HHAT: variants seen among roughly 807,000 people sequenced by gnomAD.
The protein encoded by HHAT is protein-cysteine N-palmitoyltransferase HHAT.
A neutral mutation model predicts 70.8 loss-of-function variants in HHAT; 47 were observed. The observed-to-expected ratio is 0.66, with a 90% CI of 0.53 to 0.85. The LOEUF is 0.85. HHAT is among the 40% of genes least tolerant of loss of function. The probability of loss-of-function intolerance (pLI) is 0.00; values close to 1 mark genes in which losing one functional copy is unlikely to be tolerated. For missense variants in HHAT, 609 were observed against 604.8 expected (o/e 1.01, Z -0.07); for synonymous variants, 228 against 247.6 (o/e 0.92, Z 0.74).
intron 7 of HHAT, among the ~76,000 whole-genome samples, chr1:210,449,519 G>T (rs748810928): frequency 3.9e-5 from 6 of 152,146 alleles, no homozygotes; most frequent in Non-Finnish European, 7.3e-5. Flanking sequence ...CATTGCTTCA[G>T]GTTTTCTTTA....
At chr1:210,546,267 T>A (rs963314743) in intron 9 of HHAT, among the ~76,000 whole-genome samples, 6 of 152,172 alleles carry the variant, frequency 3.9e-5, no homozygotes, top group African/African-American at 1.4e-4. Flanking sequence ...ATGTGATGTA[T>A]TTGAATGCCA....
At chr1:210,454,323 G>T (rs933907566) in intron 7 of HHAT, among the ~76,000 whole-genome samples, 1 of 152,210 alleles carries the variant, frequency 6.6e-6, no homozygotes, top group Admixed American at 6.5e-5. Context: ...GGAGGCCGAG[G>T]TGGGCAGATC....
At chr1:210,649,496 A>ATGATGTGGAATAGTG (rs1674699207) in intron 11 of HHAT, among the ~76,000 whole-genome samples, 1 of 152,258 alleles carries the variant, frequency 6.6e-6, no homozygotes, top group African/African-American at 2.4e-5. Context: ...TAACATCACC[A>ATGATGTGGAATAGTG]TGACTAACAC....
At chr1:210,548,911 G>C (rs2095505771) in intron 9 of HHAT, among the ~76,000 whole-genome samples, 1 of 152,180 alleles carries the variant, frequency 6.6e-6, no homozygotes, top group South Asian at 2.1e-4. Context: ...AATAGACCCT[G>C]CTCACTGGGG....
intron 11 of HHAT, among the ~76,000 whole-genome samples, chr1:210,653,536 A>AG (rs1262823763): frequency 6.6e-6 from 1 of 151,882 alleles, no homozygotes; most frequent in Non-Finnish European, 1.5e-5. Context: ...TCTCAAAAAA[A>AG]AAAAAAAAAA....
intron 5 of HHAT, among the ~76,000 whole-genome samples, chr1:210,401,055 C>T (rs1324868984): frequency 2.0e-5 from 3 of 152,236 alleles, no homozygotes; most frequent in African/African-American, 7.2e-5. Flanking sequence ...ATCTGATGGC[C>T]ACAATGGCCC....
chr1:210,354,553 G>A (rs1360323014), intron 2 of HHAT, among the ~76,000 whole-genome samples: 1 of 152,024 alleles, frequency 6.6e-6, no homozygotes, highest in Admixed American at 6.5e-5. Flanking sequence ...AGAGAGACAA[G>A]CTCTCTCTAT....
At chr1:210,492,774 A>G (rs2094571526) in intron 8 of HHAT, among the ~76,000 whole-genome samples, 1 of 152,168 alleles carries the variant, frequency 6.6e-6, no homozygotes, top group African/African-American at 2.4e-5. Context: ...AAGGGATTTC[A>G]TTTTAGTAGC....
intron 7 of HHAT, among the ~76,000 whole-genome samples, chr1:210,431,274 C>G (rs865978456): frequency 6.6e-6 from 1 of 151,814 alleles, no homozygotes; most frequent in Middle Eastern, 3.4e-3. Context: ...CTCTAACCTC[C>G]TATGTGTATG....
At chr1:210,390,149 A>G (rs1234598026) in intron 4 of HHAT, among the ~76,000 whole-genome samples, 1 of 152,160 alleles carries the variant, frequency 6.6e-6, no homozygotes, top group East Asian at 1.9e-4. Flanking sequence ...AAAGATGAAG[A>G]TTGTCAGACT....
chr1:210,561,150 C>T (rs1460649786), intron 9 of HHAT, among the ~76,000 whole-genome samples: 3 of 152,188 alleles, frequency 2.0e-5, no homozygotes, highest in Admixed American at 1.3e-4. Context: ...CTTCACTGGC[C>T]TGTACCCTTG....
chr1:210,472,092 A>C (rs2094215134), intron 8 of HHAT, among the ~76,000 whole-genome samples: 1 of 152,134 alleles, frequency 6.6e-6, no homozygotes, highest in Non-Finnish European at 1.5e-5. Flanking sequence ...AACATCTCAA[A>C]ATCAATTAGA....
At chr1:210,424,968 G>T (rs920057417) in intron 7 of HHAT, among the ~76,000 whole-genome samples, 1 of 152,154 alleles carries the variant, frequency 6.6e-6, no homozygotes, top group African/African-American at 2.4e-5. Context: ...CTTACCAACA[G>T]TGTATAAGTG....
chr1:210,418,590 G>A (rs1370852976), intron 7 of HHAT, among the ~76,000 whole-genome samples: 1 of 152,136 alleles, frequency 6.6e-6, no homozygotes, highest in Admixed American at 6.5e-5. Flanking sequence ...ACTGACCTTA[G>A]CTGGGTCCAC....
intron 10 of HHAT, among the ~76,000 whole-genome samples, chr1:210,611,998 C>T (rs1466255653): frequency 1.3e-5 from 2 of 151,992 alleles, no homozygotes; most frequent in Non-Finnish European, 2.9e-5. Context: ...CATGTTTTGA[C>T]ATCAGGATGA....
At chr1:210,422,132 AAAT>A (rs1235175580) in intron 7 of HHAT, among the ~76,000 whole-genome samples, 6 of 152,180 alleles carry the variant, frequency 3.9e-5, no homozygotes, top group African/African-American at 1.2e-4. Flanking sequence ...AAACCATTCA[AAAT>A]AATTTTTTAA....
At chr1:210,564,183 G>A (rs1314666978) in intron 9 of HHAT, among the ~76,000 whole-genome samples, 1 of 151,470 alleles carries the variant, frequency 6.6e-6, no homozygotes, top group Non-Finnish European at 1.5e-5. Context: ...GGCTGATGTG[G>A]AACTCCTGAC....
intron 7 of HHAT, among the ~76,000 whole-genome samples, chr1:210,463,676 A>G (rs1472279284): frequency 6.6e-6 from 1 of 152,152 alleles, no homozygotes; most frequent in African/African-American, 2.4e-5. Context: ...TATGACAAGG[A>G]GTGGAATTGC....
chr1:210,482,320 G>T (rs1340647911), intron 8 of HHAT, among the ~76,000 whole-genome samples: 2 of 152,160 alleles, frequency 1.3e-5, no homozygotes, highest in Non-Finnish European at 2.9e-5. Context: ...TAAACTGTGG[G>T]ATTACAGTAC....
Sources: gnomAD v4.1 joint callset for allele counts (sites outside exome capture counted in the v4.1 genomes callset) on GRCh38, gnomAD v4.1.1 for gene constraint, MANE v1.5 for transcripts, NCBI Gene and HGNC (gene_info 2026-07-23, HGNC 2026-07-21) for gene names.